ATP8B4: variants seen among roughly 807,000 people sequenced by gnomAD.
ATP8B4 encodes probable phospholipid-transporting ATPase IM.
In ATP8B4, 133 loss-of-function variants were observed where a neutral mutation model predicts 145.6. The observed-to-expected ratio is 0.91, with a 90% CI of 0.79 to 1.05. The LOEUF (loss-of-function observed/expected upper bound fraction) is 1.05, where lower values mean the gene tolerates loss of function less well. ATP8B4 is among the 50% of genes least tolerant of loss of function. ATP8B4 has a pLI of 0.00. For synonymous variants in ATP8B4, 507 were observed against 492.9 expected (o/e 1.03, Z -0.38); for missense variants, 1,458 against 1,425.2 (o/e 1.02, Z -0.37).
intron 25 of ATP8B4, among the ~76,000 whole-genome samples, chr15:49,869,101 G>A (rs2033283592): frequency 6.6e-6 from 1 of 152,150 alleles, no homozygotes; most frequent in Non-Finnish European, 1.5e-5. Flanking sequence ...AGTAGAGACA[G>A]GGTTTCGCCA....
chr15:49,951,827 G>T (rs1766652016), intron 14 of ATP8B4, among the ~76,000 whole-genome samples: 1 of 152,118 alleles, frequency 6.6e-6, no homozygotes, highest in African/African-American at 2.4e-5. Flanking sequence ...TCAGTGGCTG[G>T]TACGGGTTTT....
chr15:50,174,028 A>G (rs1450908788), intron 1 of ATP8B4, among the ~76,000 whole-genome samples: 1 of 152,226 alleles, frequency 6.6e-6, no homozygotes, highest in Non-Finnish European at 1.5e-5. Flanking sequence ...CATAAACAGA[A>G]TTAAAAACAA....
At chr15:50,084,825 C>G (rs2054788867) in intron 2 of ATP8B4, among the ~76,000 whole-genome samples, 1 of 152,176 alleles carries the variant, frequency 6.6e-6, no homozygotes, top group Non-Finnish European at 1.5e-5. Context: ...ATCTCATTCT[C>G]TGCCCTTGAC....
At chr15:49,990,389 A>G (rs2046959974) in intron 9 of ATP8B4, among the ~76,000 whole-genome samples, 1 of 152,090 alleles carries the variant, frequency 6.6e-6, no homozygotes, top group Non-Finnish European at 1.5e-5. Flanking sequence ...GCACAAAGTC[A>G]TCTTTAATGG....
At chr15:49,886,900 C>A (rs2036255382) in intron 23 of ATP8B4, among the ~76,000 whole-genome samples, 1 of 152,086 alleles carries the variant, frequency 6.6e-6, no homozygotes. Flanking sequence ...GCCTCTGCCC[C>A]CTGGGTTCAA....
chr15:49,863,742 T>C (rs1010215224), intron 26 of ATP8B4, among the ~76,000 whole-genome samples: 6 of 152,150 alleles, frequency 3.9e-5, no homozygotes, highest in African/African-American at 1.4e-4. Context: ...TGAAGCTTGG[T>C]ACCCTCAGGC....
At chr15:50,082,379 A>G (rs2054611366) in intron 2 of ATP8B4, among the ~76,000 whole-genome samples, 1 of 152,194 alleles carries the variant, frequency 6.6e-6, no homozygotes. Flanking sequence ...TAGAAGGAAA[A>G]AAAAACCTTC....
chr15:50,054,073 T>C (rs2052394699), intron 3 of ATP8B4, among the ~76,000 whole-genome samples: 1 of 152,250 alleles, frequency 6.6e-6, no homozygotes, highest in Non-Finnish European at 1.5e-5. Context: ...ATAGGATTTT[T>C]GTGAGTGATC....
At chr15:49,920,035 A>G (rs1034535812) in intron 18 of ATP8B4, among the ~76,000 whole-genome samples, 3 of 152,246 alleles carry the variant, frequency 2.0e-5, no homozygotes, top group Non-Finnish European at 2.9e-5. Flanking sequence ...TTCCAATTGC[A>G]TAAGCTACTG....
chr15:49,862,370 C>G lies in ATP8B4; in HGVS notation c.3172G>C (p.Ala1058Pro), dbSNP rs369603325. The G allele has an allele frequency of 6.2e-7, 1 of 1,612,998 alleles. No homozygotes were observed. The highest frequency in any genetic ancestry group is 1.3e-5 in the African/African-American group (1 of 74,908). Residue 1058 changes from alanine to proline, a missense_variant, in exon 27 of 28, where the codon GCA becomes CCA. By Grantham distance (27) the Ala-to-Pro change is conservative. Transcript: ENST00000284509. The stretch of plus-strand genomic sequence containing the variant: ...CACTTCTGGGTCAGGGAATGTCGTG[C>G]ATTACCTATCAATCATTAAAGAAAA... Reference protein sequence around the residue: ...FPNQFPFVGNARHSLTQKCIW... With the variant: ...FPNQFPFVGNPRHSLTQKCIW...
intron 13 of ATP8B4, among the ~76,000 whole-genome samples, chr15:49,967,864 C>T (rs1055720529): frequency 1.3e-5 from 2 of 152,172 alleles, no homozygotes; most frequent in African/African-American, 4.8e-5. Context: ...ATGTTAAGCA[C>T]AGCCAGAGAA....
At chr15:50,064,648 T>C (rs1296123928) in intron 3 of ATP8B4, among the ~76,000 whole-genome samples, 7 of 152,292 alleles carry the variant, frequency 4.6e-5, no homozygotes, top group African/African-American at 1.4e-4. Flanking sequence ...GTATACTTGA[T>C]GTATTAGTCT....
At chr15:50,061,096 G>A (rs964544798) in intron 3 of ATP8B4, among the ~76,000 whole-genome samples, 2 of 152,036 alleles carry the variant, frequency 1.3e-5, no homozygotes, top group African/African-American at 4.8e-5. Flanking sequence ...GCCTTACTCC[G>A]AGATTTAGGC....
chr15:49,998,624 T>C (rs545661339), intron 8 of ATP8B4, among the ~76,000 whole-genome samples: 2 of 152,334 alleles, frequency 1.3e-5, no homozygotes, highest in South Asian at 4.1e-4. Flanking sequence ...GAGTTCATTG[T>C]AGATTCTGGA....
intron 14 of ATP8B4, among the ~76,000 whole-genome samples, chr15:49,944,762 C>A (rs1359058629): frequency 6.6e-6 from 1 of 152,132 alleles, no homozygotes; most frequent in Non-Finnish European, 1.5e-5. Flanking sequence ...GCAGAATGCA[C>A]ATTCTGTGTC....
intron 6 of ATP8B4, among the ~76,000 whole-genome samples, chr15:50,022,127 G>A (rs2049624843): frequency 7.1e-6 from 1 of 140,826 alleles, no homozygotes; most frequent in Admixed American, 7.2e-5. Flanking sequence ...ATATTGCATG[G>A]GCTCTTTTGC....
At chr15:50,148,474 C>T (rs940006823) in intron 1 of ATP8B4, among the ~76,000 whole-genome samples, 22 of 152,108 alleles carry the variant, frequency 1.4e-4, no homozygotes, top group African/African-American at 4.3e-4. Context: ...CATGAGAGCT[C>T]CTCCCTCATG....
chr15:49,892,701 T>C (rs1333251784), intron 23 of ATP8B4, among the ~76,000 whole-genome samples: 1 of 152,208 alleles, frequency 6.6e-6, no homozygotes. Flanking sequence ...CAGCGTTCCA[T>C]GCAAAATGAG....
chr15:49,949,030 T>A (rs2042828919), intron 14 of ATP8B4, among the ~76,000 whole-genome samples: 1 of 152,272 alleles, frequency 6.6e-6, no homozygotes, highest in Admixed American at 6.5e-5. Context: ...AGTCTATATG[T>A]TTGTTTTGGT....
Sources: allele counts gnomAD v4.1 joint callset (sites outside exome capture counted in the v4.1 genomes callset), GRCh38; gene constraint gnomAD v4.1.1; transcripts MANE v1.5; gene names NCBI Gene and HGNC (gene_info 2026-07-23, HGNC 2026-07-21).